ST6GALNAC3: variants seen among roughly 807,000 people sequenced by gnomAD.
The protein encoded by ST6GALNAC3 is ST6 N-acetylgalactosaminide alpha-2,6-sialyltransferase 3.
A neutral mutation model predicts 32.7 loss-of-function variants in ST6GALNAC3; 25 were observed. That is an observed-to-expected ratio of 0.76 (90% CI 0.56 to 1.07). ST6GALNAC3 has a LOEUF of 1.07. Among genes scored for constraint, ST6GALNAC3 ranks in the 50% least tolerant of loss-of-function variants. The pLI, the probability that ST6GALNAC3 is intolerant of heterozygous loss-of-function variation, is 0.00. For missense variants in ST6GALNAC3, 355 were observed against 382.4 expected, an observed-to-expected ratio of 0.93 and a Z score of 0.60; for synonymous variants, 129 against 133.1, an observed-to-expected ratio of 0.97 and a Z score of 0.21.
intron 1 of ST6GALNAC3, among the ~76,000 whole-genome samples, chr1:76,211,552 A>C (rs960807734): frequency 2.6e-5 from 4 of 152,222 alleles, no homozygotes; most frequent in Non-Finnish European, 5.9e-5. Flanking sequence ...TCCAACAATG[A>C]TAGACTGGAT....
At position 76,633,513 on chromosome 1, in the gene ST6GALNAC3, T is replaced by C. The variant is rs1649397579; in HGVS notation, c.*4707T>C. 1 of 152,214 alleles carries C rather than the reference T, an allele frequency of 6.6e-6. No individual in the cohort carries two copies. Among genetic ancestry groups the C allele is most frequent in the Non-Finnish European group, 1.5e-5 (1 of 68,032 alleles). 9.4% of individuals were successfully genotyped at this position (152,214 alleles called of 1,614,324 possible). ...TCAGTTTCTTAGTTTCTCTTTGTGA[T>C]TGAGGATGAGCAAGCCATTGATACA... is the stretch of plus-strand genomic sequence containing the variant. On this transcript the variant is annotated 3_prime_UTR_variant, in exon 5 of 5. Coordinates refer to ENST00000328299, the MANE Select transcript of ST6GALNAC3 (RefSeq NM_152996.4).
At chr1:76,349,628 C>T (rs1047221317) in intron 2 of ST6GALNAC3, among the ~76,000 whole-genome samples, 1 of 152,150 alleles carries the variant, frequency 6.6e-6, no homozygotes, top group African/African-American at 2.4e-5. Context: ...ATTAATATTT[C>T]AAGATAGAAC....
intron 3 of ST6GALNAC3, among the ~76,000 whole-genome samples, chr1:76,569,588 G>GTAA (rs1665745793): frequency 6.6e-6 from 1 of 151,978 alleles, no homozygotes; most frequent in Non-Finnish European, 1.5e-5. Context: ...CTGTCTGAAT[G>GTAA]TAAAAATCTG....
intron 1 of ST6GALNAC3, among the ~76,000 whole-genome samples, chr1:76,253,396 G>T (rs1159194270): frequency 6.6e-6 from 1 of 152,088 alleles, no homozygotes; most frequent in Non-Finnish European, 1.5e-5. Flanking sequence ...GAAGATGGAG[G>T]CGCTCATTTA....
chr1:76,529,934 A>T (rs1663150635), intron 3 of ST6GALNAC3, among the ~76,000 whole-genome samples: 1 of 152,190 alleles, frequency 6.6e-6, no homozygotes, highest in African/African-American at 2.4e-5. Flanking sequence ...ACATGCAGTG[A>T]TTGCTCCTTA....
intron 3 of ST6GALNAC3, among the ~76,000 whole-genome samples, chr1:76,563,829 T>G (rs574373258): frequency 1.3e-5 from 2 of 152,266 alleles, no homozygotes; most frequent in African/African-American, 4.8e-5. Context: ...GAGTGCTCAG[T>G]GTAGGTTCTT....
At position 76,551,563 on chromosome 1, in the gene ST6GALNAC3, C is replaced by G. The variant is rs965732696; in HGVS notation, c.624-75889C>G. On this transcript the variant is annotated intron_variant, in intron 3 of 4. Transcript: ENST00000328299. ...TTTTTATTGATACATAATATTTGCA[C>G]ATATTTATTCAGTCCATGTGATATT... Among the ~76,000 whole-genome samples, 6 of 152,114 alleles carry G rather than the reference C, an allele frequency of 3.9e-5. No homozygotes were observed. In the East Asian group the frequency reaches 1.2e-3, roughly 29 times the overall value.
chr1:76,156,932 C>T (rs536390498), intron 1 of ST6GALNAC3, among the ~76,000 whole-genome samples: 26 of 152,158 alleles, frequency 1.7e-4, no homozygotes, highest in Admixed American at 1.3e-3. Context: ...GGGGTTTCAC[C>T]GTGTTAGCCA....
At chr1:76,259,485 T>A (rs888636093) in intron 1 of ST6GALNAC3, among the ~76,000 whole-genome samples, 2 of 152,210 alleles carry the variant, frequency 1.3e-5, no homozygotes, top group Non-Finnish European at 2.9e-5. Flanking sequence ...ACCCAGTCAA[T>A]GTGCAATAAA....
At chr1:76,134,194 C>A (rs962745474) in intron 1 of ST6GALNAC3, among the ~76,000 whole-genome samples, 4 of 152,138 alleles carry the variant, frequency 2.6e-5, no homozygotes, top group Non-Finnish European at 4.4e-5. Context: ...GGACAGGTCA[C>A]AAGATGGCTG....
intron 3 of ST6GALNAC3, among the ~76,000 whole-genome samples, chr1:76,456,776 C>T (rs1021539466): frequency 6.6e-6 from 1 of 152,078 alleles, no homozygotes; most frequent in Non-Finnish European, 1.5e-5. Context: ...GGAAGCATTC[C>T]CTTTGAAAAC....
intron 1 of ST6GALNAC3, among the ~76,000 whole-genome samples, chr1:76,125,931 G>A (rs553604873): frequency 2.6e-5 from 4 of 152,294 alleles, no homozygotes; most frequent in South Asian, 4.2e-4. Context: ...TTAGATAGAT[G>A]GAGCCAATTG....
intron 1 of ST6GALNAC3, among the ~76,000 whole-genome samples, chr1:76,279,461 G>C (rs185411231): frequency 6.6e-6 from 1 of 152,338 alleles, no homozygotes; most frequent in Admixed American, 6.5e-5. Flanking sequence ...CAATCAACCT[G>C]TGCTAGCCAA....
intron 3 of ST6GALNAC3, among the ~76,000 whole-genome samples, chr1:76,602,493 G>A (rs1296782504): frequency 2.0e-5 from 3 of 151,942 alleles, no homozygotes; most frequent in East Asian, 3.9e-4. Flanking sequence ...CTCCCAAACC[G>A]TTTTGTTTGT....
At chr1:76,609,001 A>C (rs984550949) in intron 3 of ST6GALNAC3, among the ~76,000 whole-genome samples, 1 of 152,184 alleles carries the variant, frequency 6.6e-6, no homozygotes, top group Non-Finnish European at 1.5e-5. Context: ...ATTTTGGTCC[A>C]TTGTACTTTC....
At chr1:76,412,735 C>T (rs879825516) in intron 3 of ST6GALNAC3, among the ~76,000 whole-genome samples, 1 of 152,048 alleles carries the variant, frequency 6.6e-6, no homozygotes, top group African/African-American at 2.4e-5. Flanking sequence ...GAAGCCTAAA[C>T]ATTTCTGTTT....
chr1:76,193,498 T>C (rs1654024352), intron 1 of ST6GALNAC3, among the ~76,000 whole-genome samples: 1 of 152,132 alleles, frequency 6.6e-6, no homozygotes, highest in Admixed American at 6.5e-5. Flanking sequence ...TGAATAAATA[T>C]TGGTTTAACT....
At chr1:76,567,413 A>C (rs1423197681) in intron 3 of ST6GALNAC3, among the ~76,000 whole-genome samples, 1 of 152,184 alleles carries the variant, frequency 6.6e-6, no homozygotes, top group East Asian at 1.9e-4. Context: ...ACCAGTTGTT[A>C]TTTACTTATG....
chr1:76,510,774 A>C (rs918686915), intron 3 of ST6GALNAC3, among the ~76,000 whole-genome samples: 11 of 152,212 alleles, frequency 7.2e-5, no homozygotes, highest in Non-Finnish European at 1.6e-4. Context: ...GAACACTTAA[A>C]TTAGCCTACG....
Sources: gnomAD v4.1 joint callset for allele counts (sites outside exome capture counted in the v4.1 genomes callset) on GRCh38, gnomAD v4.1.1 for gene constraint, MANE v1.5 for transcripts, NCBI Gene and HGNC (gene_info 2026-07-23, HGNC 2026-07-21) for gene names.